Variants in NFIC observed in about 807,000 individuals in gnomAD.
The protein encoded by NFIC is nuclear factor 1 C-type.
Under a neutral mutation model 54.4 loss-of-function variants are expected in NFIC, and 12 were observed. That is an observed-to-expected ratio of 0.22 (90% CI 0.14 to 0.36). The LOEUF (loss-of-function observed/expected upper bound fraction) is 0.36. NFIC is among the 10% of genes least tolerant of loss of function. The probability of loss-of-function intolerance (pLI) is 1.00; values close to 1 mark genes in which losing one functional copy is unlikely to be tolerated. For synonymous variants in NFIC, 322 were observed against 319.2 expected, an observed-to-expected ratio of 1.01 and a Z score of -0.09; for missense variants, 575 against 718.2, an observed-to-expected ratio of 0.80 and a Z score of 2.28.
chr19:3,406,820 G>A (rs2081657176), intron 2 of NFIC, among the ~76,000 whole-genome samples: 1 of 152,166 alleles, frequency 6.6e-6, no homozygotes, highest in Admixed American at 6.5e-5. Context: ...AGCTGTGGAC[G>A]ATAAACCACA....
At chr19:3,449,397 C>T (rs1172513378) in intron 7 of NFIC, among the ~76,000 whole-genome samples, 1 of 152,098 alleles carries the variant, frequency 6.6e-6, no homozygotes, top group Non-Finnish European at 1.5e-5. Flanking sequence ...TCACCTCACT[C>T]CCCTCACCCC....
At chr19:3,430,931 C>CAAAAAAAAAAAAAAAAAA (rs59760975) in intron 3 of NFIC, among the ~76,000 whole-genome samples, 1 of 80,180 alleles carries the variant, frequency 1.2e-5, no homozygotes, top group East Asian at 3.6e-4. Context: ...GACTCCGTCT[C>CAAAAAAAAAAAAAAAAAA]AAAAAAAAAA....
In NFIC at chr19:3,464,671, G is replaced by C; in HGVS notation, c.*1902G>C. On this transcript the variant is annotated 3_prime_UTR_variant, in exon 11 of 11. Coordinates refer to ENST00000443272, the MANE Select transcript of NFIC (RefSeq NM_001245002.2). ...CTCACCCCCCTGCCCCCGAAAACCA[G>C]ACTCTCCTCCCAAACTAGCCTCAGG... The C allele has an allele frequency of 1.0e-6, 1 of 983,660 alleles. No individual in the cohort carries two copies. Among genetic ancestry groups the C allele is most frequent in the Non-Finnish European group, 1.2e-6 (1 of 829,802 alleles). The allele number at this position is 983,660 out of a possible 1,614,324, so 60.9% of individuals were successfully genotyped here.
chr19:3,417,469 G>A, intron 2 of NFIC, among the ~76,000 whole-genome samples: 1 of 152,070 alleles, frequency 6.6e-6, no homozygotes, highest in East Asian at 1.9e-4. Flanking sequence ...GCTGCCCACT[G>A]GGGTCTGGGG....
At chr19:3,448,959 C>A in intron 6 of NFIC, 55 bp from the exon 7 acceptor site, 1 of 1,569,132 alleles carries the variant, frequency 6.4e-7, no homozygotes, top group Non-Finnish European at 8.7e-7. Flanking sequence ...GGGGAAGGTC[C>A]AGGGCTCATG....
chr19:3,407,495 T>G (rs1335402855), intron 2 of NFIC, among the ~76,000 whole-genome samples: 1 of 151,518 alleles, frequency 6.6e-6, no homozygotes, highest in Non-Finnish European at 1.5e-5. Flanking sequence ...GAGTCACTGG[T>G]GCAATCTTGG....
intron 2 of NFIC, among the ~76,000 whole-genome samples, chr19:3,387,094 G>A (rs2081308507): frequency 6.6e-6 from 1 of 152,250 alleles, no homozygotes; most frequent in Non-Finnish European, 1.5e-5. Flanking sequence ...GGGAGAGGGA[G>A]GGACGGGCAT....
At chr19:3,416,769 C>T (rs957756913) in intron 2 of NFIC, among the ~76,000 whole-genome samples, 3 of 151,334 alleles carry the variant, frequency 2.0e-5, no homozygotes, top group African/African-American at 7.3e-5. Context: ...GGTGATCCAC[C>T]GCCTCGGCCT....
intron 3 of NFIC, among the ~76,000 whole-genome samples, chr19:3,426,925 C>CTTT (rs547112160): frequency 1.5e-4 from 21 of 137,624 alleles, no homozygotes; most frequent in South Asian, 4.7e-4. Context: ...TACCCTCAAT[C>CTTT]TTTTTTTTTT....
In NFIC at chr19:3,452,775, C is replaced by A; in HGVS notation, c.1269+109C>A. 1 of 1,358,890 alleles carries A rather than the reference C, an allele frequency of 7.4e-7. No homozygotes were observed. Among genetic ancestry groups the A allele is most frequent in the Non-Finnish European group, 9.9e-7 (1 of 1,008,908 alleles). The allele number at this position is 1,358,890 out of a possible 1,614,324, so 84.2% of individuals were successfully genotyped here. ...CCTCTGCTTAAAAGGGTCTTGAGGA[C>A]TTGGCTCTGAAGTCCCCTCCTCTGT... On this transcript the variant is annotated intron_variant, in intron 8 of 10. Coordinates refer to ENST00000443272, the MANE Select transcript of NFIC (RefSeq NM_001245002.2). This position sits in a 1 kb window ranked among gnomAD's most constrained non-coding sequence, Gnocchi z 5.3.
At position 3,409,145 on chromosome 19, in the gene NFIC, C is replaced by T. The variant is rs142453078; in HGVS notation, c.563-15961C>T. Among the ~76,000 whole-genome samples the T allele has an allele frequency of 1.9e-3, 296 of 152,280 alleles. 3 individuals carry two copies. The Middle Eastern group carries it at 0.02, about 10-fold the overall frequency. ...CAACACACAAGGCCCCGAATGGTCC[C>T]GCTCCCCTCTCCGTTCGTTCCTCTT... On this transcript the variant is annotated intron_variant, in intron 2 of 10. Transcript: ENST00000443272.
Position 3,463,039 on chromosome 19 carries a change from G to A in NFIC, c.*270G>A, listed in dbSNP as rs1568205607. On this transcript the variant is annotated 3_prime_UTR_variant, in exon 11 of 11. Coordinates refer to ENST00000443272, the MANE Select transcript of NFIC (RefSeq NM_001245002.2). The stretch of plus-strand genomic sequence containing the variant: ...ACGCAACGTTTCCAACTCTCGGGAC[G>A]CCAAGGCCGCAGGACTGGAGGGCCA... The A allele has an allele frequency of 3.0e-6, 4 of 1,344,930 alleles. No individual in the cohort carries two copies. Among genetic ancestry groups the A allele is most frequent in the Admixed American group, 3.6e-5 (1 of 27,554 alleles). 83.3% of individuals were successfully genotyped at this position (1,344,930 alleles called of 1,614,324 possible).
intron 6 of NFIC, among the ~76,000 whole-genome samples, chr19:3,448,216 G>A (rs993122925): frequency 2.0e-5 from 3 of 152,212 alleles, no homozygotes; most frequent in Non-Finnish European, 4.4e-5. Context: ...GGGATTACAG[G>A]CACCCGCCAC....
At chr19:3,455,911 C>T (rs963498732) in intron 9 of NFIC, among the ~76,000 whole-genome samples, 2 of 152,162 alleles carry the variant, frequency 1.3e-5, no homozygotes, top group Non-Finnish European at 2.9e-5. Flanking sequence ...CCCCATAAGC[C>T]TCGCTGCCTC....
intron 2 of NFIC, among the ~76,000 whole-genome samples, chr19:3,409,614 G>A (rs920192686): frequency 1.3e-5 from 2 of 152,222 alleles, no homozygotes; most frequent in East Asian, 3.9e-4. Flanking sequence ...GCCAGCGGAC[G>A]CAGGGAGTTG....
At chr19:3,380,538 G>A (rs142447406) in intron 1 of NFIC, among the ~76,000 whole-genome samples, 5,663 of 150,644 alleles carry the variant, frequency 0.038, 180 homozygotes, top group East Asian at 0.13. Flanking sequence ...CATGTTGGCC[G>A]GGCTGGTCTC....
At chr19:3,410,029 G>A (rs534724411) in intron 2 of NFIC, among the ~76,000 whole-genome samples, 1 of 138,860 alleles carries the variant, frequency 7.2e-6, no homozygotes, top group African/African-American at 2.7e-5. Context: ...GCAACATAGC[G>A]AGACTGCGTC....
chr19:3,467,106 T>TG lies in NFIC; in HGVS notation c.*4337_*4338insG, dbSNP rs966307927. On this transcript the variant is annotated 3_prime_UTR_variant, in exon 11 of 11. Coordinates refer to ENST00000443272, the MANE Select transcript of NFIC (RefSeq NM_001245002.2). ...AGGAGGGAGTGTTGGTTTTTTGTTT[T>TG]TGTTTTTTTAACATGTATGAAACTG... The TG allele has an allele frequency of 6.6e-6, 1 of 151,450 alleles. No homozygotes were observed. Among genetic ancestry groups the TG allele is most frequent in the African/African-American group, 2.4e-5 (1 of 40,870 alleles). The allele number at this position is 151,450 out of a possible 1,614,324, so 9.4% of individuals were successfully genotyped here.
At chr19:3,407,955 C>T (rs1165334724) in intron 2 of NFIC, among the ~76,000 whole-genome samples, 6 of 152,126 alleles carry the variant, frequency 3.9e-5, no homozygotes, top group African/African-American at 7.2e-5. Flanking sequence ...CATTGCCTTC[C>T]AGGACAGAGA....
Sources: gnomAD v4.1 joint callset for allele counts (sites outside exome capture counted in the v4.1 genomes callset) on GRCh38, gnomAD v4.1.1 for gene constraint, Gnocchi (gnomAD v3.1) non-coding constraint, MANE v1.5 for transcripts, NCBI Gene and HGNC (gene_info 2026-07-23, HGNC 2026-07-21) for gene names.